NSUN3: variants seen among roughly 807,000 people sequenced by gnomAD.
NSUN3 encodes the protein NOP2/Sun RNA methyltransferase 3.
Under a neutral mutation model 36.8 loss-of-function variants are expected in NSUN3, and 24 were observed. The ratio of observed to expected loss-of-function variants is 0.65; its 90% CI spans 0.47 to 0.92. The LOEUF (loss-of-function observed/expected upper bound fraction) is 0.92. NSUN3 is among the 40% of genes least tolerant of loss of function. NSUN3 has a pLI of 0.00. For synonymous variants in NSUN3, 146 were observed against 145.2 expected, an observed-to-expected ratio of 1.01 and a Z score of -0.04; for missense variants, 381 against 392.8, an observed-to-expected ratio of 0.97 and a Z score of 0.25.
intron 3 of NSUN3, 64 bp from the exon 4 acceptor site, chr3:94,094,076 T>A: frequency 8.1e-7 from 1 of 1,234,840 alleles, no homozygotes; most frequent in Non-Finnish European, 1.1e-6. Flanking sequence ...ATTTATTTGC[T>A]GAAAAGTAGA....
intron 2 of NSUN3, chr3:94,076,635 A>C: frequency 1.0e-6 from 1 of 989,888 alleles, no homozygotes; most frequent in Non-Finnish European, 1.6e-6. Flanking sequence ...GAAAGCCCAT[A>C]GCCTTTTTTC....
At chr3:94,071,457 A>G (rs1270941973) in intron 2 of NSUN3, among the ~76,000 whole-genome samples, 1 of 152,238 alleles carries the variant, frequency 6.6e-6, no homozygotes, top group Non-Finnish European at 1.5e-5. Flanking sequence ...ATGAATTTTT[A>G]AATGGATGAT....
At chr3:94,071,879 C>A (rs2077225776) in intron 2 of NSUN3, among the ~76,000 whole-genome samples, 1 of 152,118 alleles carries the variant, frequency 6.6e-6, no homozygotes, top group Non-Finnish European at 1.5e-5. Flanking sequence ...GCTTTGGATT[C>A]GGAAGCCACT....
intron 3 of NSUN3, among the ~76,000 whole-genome samples, chr3:94,091,903 C>T (rs564520607): frequency 1.2e-4 from 19 of 152,310 alleles, no homozygotes; most frequent in African/African-American, 3.8e-4. Context: ...CACCTCGTGG[C>T]TGGAGCCACT....
intron 5 of NSUN3, among the ~76,000 whole-genome samples, chr3:94,113,552 G>A (rs1307454292): frequency 6.6e-6 from 1 of 152,104 alleles, no homozygotes; most frequent in Non-Finnish European, 1.5e-5. Context: ...GAGGCTAAAG[G>A]GGGACTTCAG....
At chr3:94,070,607 T>C (rs150632699) in intron 2 of NSUN3, among the ~76,000 whole-genome samples, 19 of 152,336 alleles carry the variant, frequency 1.2e-4, no homozygotes, top group African/African-American at 4.3e-4. Flanking sequence ...GTATTCTCTT[T>C]CAGAAAATTA....
At chr3:94,105,324 C>G (rs1353433621) in intron 5 of NSUN3, among the ~76,000 whole-genome samples, 1 of 152,174 alleles carries the variant, frequency 6.6e-6, no homozygotes, top group Non-Finnish European at 1.5e-5. Flanking sequence ...GTCCCTGTGA[C>G]TCTTTCTTCT....
chr3:94,083,419 G>A (rs2077278924), intron 2 of NSUN3, among the ~76,000 whole-genome samples: 1 of 152,210 alleles, frequency 6.6e-6, no homozygotes, highest in African/African-American at 2.4e-5. Flanking sequence ...ACCCATTAGA[G>A]GTTTTCCATT....
chr3:94,074,719 C>T (rs924785860), intron 2 of NSUN3, among the ~76,000 whole-genome samples: 114 of 152,146 alleles, frequency 7.5e-4, no homozygotes, highest in African/African-American at 2.7e-3. Flanking sequence ...GACGATGGGG[C>T]TTTCTAAATA....
intron 2 of NSUN3, among the ~76,000 whole-genome samples, chr3:94,070,124 G>A (rs1419304887): frequency 2.0e-5 from 3 of 151,974 alleles, no homozygotes; most frequent in Admixed American, 2.0e-4. Context: ...GTTGACAGAC[G>A]GTGTATTTTT....
chr3:94,072,994 C>T (rs1167731528), intron 2 of NSUN3, among the ~76,000 whole-genome samples: 2 of 152,106 alleles, frequency 1.3e-5, no homozygotes, highest in Non-Finnish European at 2.9e-5. Context: ...TGATGTTCCC[C>T]TCCCTGTGTC....
chr3:94,065,332 A>T (rs1178312669), intron 2 of NSUN3, among the ~76,000 whole-genome samples: 1 of 152,332 alleles, frequency 6.6e-6, no homozygotes, highest in East Asian at 1.9e-4. Flanking sequence ...CAAAGGCCTG[A>T]AGGGAAGCTG....
intron 2 of NSUN3, among the ~76,000 whole-genome samples, chr3:94,067,556 C>G (rs952111323): frequency 6.6e-6 from 1 of 152,148 alleles, no homozygotes; most frequent in African/African-American, 2.4e-5. Context: ...CTACTGCTGC[C>G]ATTCACTTAG....
rs1382618600 is a variant in NSUN3, at chr3:94,127,778, C to T, written c.*1288C>T. ...GTTCATTATGTTCTGTGCCTTTAAA[C>T]TAGAGACTATTTGCTTATTAATATT... On this transcript the variant is annotated 3_prime_UTR_variant, in exon 6 of 6. Transcript: ENST00000314622. 2.0e-5 allele frequency: 3 copies of T among 152,112 alleles called. No individual in the cohort carries two copies. Among genetic ancestry groups the T allele is most frequent in the Non-Finnish European group, 4.4e-5 (3 of 68,024 alleles). The allele number at this position is 152,112 out of a possible 1,614,324, so 9.4% of individuals were successfully genotyped here.
At chr3:94,076,709 G>A (rs1056260130) in intron 2 of NSUN3, 12 of 1,308,704 alleles carry the variant, frequency 9.2e-6, no homozygotes, top group African/African-American at 1.5e-5. Context: ...AGGATGTTTT[G>A]TATAGTCCAA....
At chr3:94,116,985 C>CTTTTTT (rs60234250) in intron 5 of NSUN3, among the ~76,000 whole-genome samples, 1 of 63,960 alleles carries the variant, frequency 1.6e-5, no homozygotes, top group East Asian at 5.5e-4. Flanking sequence ...TCTGCCACAA[C>CTTTTTT]TTTTTTTTTT....
At chr3:94,121,615 G>C (rs955116035) in intron 5 of NSUN3, among the ~76,000 whole-genome samples, 1 of 152,056 alleles carries the variant, frequency 6.6e-6, no homozygotes, top group African/African-American at 2.4e-5. Context: ...GGAATATTTA[G>C]AGGGCAGTGA....
rs577754486 is a variant in NSUN3 at position 94,127,718 on chromosome 3, T to C, written c.*1228T>C. 5.1e-4 allele frequency: 77 copies of C among 152,314 alleles called. No individual in the cohort carries two copies. The highest frequency in any genetic ancestry group is 1.8e-3 in the African/African-American group (76 of 41,572). 9.4% of individuals were successfully genotyped at this position (152,314 alleles called of 1,614,324 possible). A position where few individuals can be genotyped will look rare whatever the true frequency, so the allele number is the denominator to read the frequency against. On this transcript the variant is annotated 3_prime_UTR_variant, in exon 6 of 6. Coordinates refer to ENST00000314622, the MANE Select transcript of NSUN3 (RefSeq NM_022072.5). ...AAACAACTTTATCTGATTATAGAAA[T>C]ACAAAATTCTGCTAAAGCTGAATAC...
intron 2 of NSUN3, among the ~76,000 whole-genome samples, chr3:94,079,510 C>T (rs2077259800): frequency 6.6e-6 from 1 of 152,098 alleles, no homozygotes; most frequent in Non-Finnish European, 1.5e-5. Flanking sequence ...TGGATGATAG[C>T]TTGAAGACTG....
Sources: gnomAD v4.1 joint callset for allele counts (sites outside exome capture counted in the v4.1 genomes callset) on GRCh38, gnomAD v4.1.1 for gene constraint, MANE v1.5 for transcripts, NCBI Gene and HGNC (gene_info 2026-07-23, HGNC 2026-07-21) for gene names.